Variants in MGST1 observed in about 807,000 individuals in gnomAD.
MGST1 encodes the protein microsomal glutathione S-transferase 1, also known as glutathione S-transferase 12.
In MGST1, 5 loss-of-function variants were observed where a neutral mutation model predicts 8.9. The ratio of observed to expected loss-of-function variants is 0.56; its 90% CI spans 0.29 to 1.19. The LOEUF is 1.19. MGST1 is among the 50% of genes most tolerant of loss of function. The pLI, the probability that MGST1 is intolerant of heterozygous loss-of-function variation, is 0.08. For missense variants in MGST1, 182 were observed against 187.4 expected (o/e 0.97, Z 0.17); for synonymous variants, 54 against 67.8 (o/e 0.80, Z 1.00).
At chr12:16,376,233 A>C in exon 4 of MGST1, 2 of 666,952 alleles carry the variant, frequency 3.0e-6, no homozygotes, top group Middle Eastern at 2.4e-4. Flanking sequence ...ACCAGTGAAT[A>C]ATTGAAGAAA....
In MGST1 at chr12:16,361,248, A is replaced by G. The variant is rs1219042496; in HGVS notation, c.222-2547A>G. 1.3e-5 allele frequency among the ~76,000 whole-genome samples: 2 copies of G among 152,134 alleles called. No homozygotes were observed. Among genetic ancestry groups the G allele is most frequent in the East Asian group, 3.9e-4 (2 of 5,174 alleles). ...AAGCCTGCTGTGCAGCTCCTTTTGTAGTTGTTCACAGCCTGACAATCCCCA... is the reference window on the plus strand; with the variant it reads ...AAGCCTGCTGTGCAGCTCCTTTTGTGGTTGTTCACAGCCTGACAATCCCCA... On this transcript the variant is annotated intron_variant, in intron 3 of 3. Transcript: ENST00000396210. The surrounding 1 kb of genome is among the most constrained non-coding windows in gnomAD (Gnocchi z 4.2).
chr12:16,525,360 T>C (rs574179689), intron 4 of MGST1, among the ~76,000 whole-genome samples: 1 of 148,616 alleles, frequency 6.7e-6, no homozygotes, highest in South Asian at 2.1e-4. Flanking sequence ...GTTCTCATTG[T>C]TCAATTCCCA....
At chr12:16,357,403 G>T in intron 2 of MGST1, 1 of 474,962 alleles carries the variant, frequency 2.1e-6, no homozygotes, top group East Asian at 3.6e-5. Flanking sequence ...AGGACCACAG[G>T]CATGCATGTG....
rs562361704 is a variant in MGST1, at chr12:16,571,709, T to C, written n.483-17819T>C. On this transcript the variant is annotated intron_variant and non_coding_transcript_variant, in intron 4 of 4. Transcript: ENST00000538857. The stretch of plus-strand genomic sequence containing the variant: ...TCCTTCACTGACTCAAATATGCAGA[T>C]TGAATTAAATACCCTTTCAAGATAT... 1.6e-4 allele frequency among the ~76,000 whole-genome samples: 24 copies of C among 152,138 alleles called. No individual in the cohort carries two copies. The South Asian group carries it at 4.6e-3, about 29-fold the overall frequency.
chr12:16,440,211 G>A (rs1046718699), downstream of MGST1, among the ~76,000 whole-genome samples: 1 of 151,340 alleles, frequency 6.6e-6, no homozygotes, highest in African/African-American at 2.4e-5. Flanking sequence ...TTGTATGCAT[G>A]TGTATTTTTC....
At chr12:16,426,199 C>G (rs1405160582) in intron 1 of MGST1, among the ~76,000 whole-genome samples, 1 of 152,170 alleles carries the variant, frequency 6.6e-6, no homozygotes, top group Non-Finnish European at 1.5e-5. Flanking sequence ...ATCTTCATCT[C>G]TTACTCCTCA....
Position 16,488,897 on chromosome 12 carries a change from C to T in MGST1, n.483-100631C>T, listed in dbSNP as rs944389987. 4.0e-5 allele frequency among the ~76,000 whole-genome samples: 6 copies of T among 151,888 alleles called. No homozygotes were observed. In the East Asian group the frequency reaches 1.2e-3, roughly 29 times the overall value. ...GCTGAGGCAGCAGAGTTGTTTGAGG[C>T]CAGGAGTTTGAGATCAGCCTGGGCA... On this transcript the variant is annotated intron_variant and non_coding_transcript_variant, in intron 4 of 4. Coordinates refer to the MGST1 transcript ENST00000538857.
chr12:16,384,402 CAG>C (rs1940485717), intron 1 of MGST1, among the ~76,000 whole-genome samples: 1 of 152,076 alleles, frequency 6.6e-6, no homozygotes, highest in African/African-American at 2.4e-5. Context: ...GAAGGGGAAA[CAG>C]ATGCAGAGAC....
intron 4 of MGST1, among the ~76,000 whole-genome samples, chr12:16,533,842 A>C (rs141799297): frequency 6.0e-4 from 92 of 152,324 alleles, no homozygotes; most frequent in Non-Finnish European, 1.1e-3. Context: ...TTCCCACAGC[A>C]ATTTCTTTAG....
At chr12:16,565,082 C>G (rs2137375698) in intron 4 of MGST1, among the ~76,000 whole-genome samples, 1 of 152,194 alleles carries the variant, frequency 6.6e-6, no homozygotes, top group Admixed American at 6.5e-5. Context: ...AGCCACTATG[C>G]CCGGTCTAGT....
At position 16,372,580 on chromosome 12, in the gene MGST1, G is replaced by T. The variant is rs889737871; in HGVS notation, c.222-3542G>T. 7.9e-5 allele frequency among the ~76,000 whole-genome samples: 12 copies of T among 152,022 alleles called. No homozygotes were observed. In the East Asian group the frequency reaches 2.3e-3, roughly 29 times the overall value. On this transcript the variant is annotated intron_variant, in intron 3 of 3. Transcript: ENST00000535309. ...GGAGCCCTCTTACACTGTTGGTGGG[G>T]ATGTAAATTAGTGCAGCCACTTGTG...
intron 4 of MGST1, among the ~76,000 whole-genome samples, chr12:16,498,327 A>T (rs1200403515): frequency 6.6e-6 from 1 of 152,182 alleles, no homozygotes; most frequent in Non-Finnish European, 1.5e-5. Context: ...GCCAGTGAAC[A>T]TGCATTTACT....
chr12:16,481,145 A>G (rs781016132), intron 4 of MGST1, among the ~76,000 whole-genome samples: 25 of 152,146 alleles, frequency 1.6e-4, no homozygotes, highest in Non-Finnish European at 3.4e-4. Context: ...AAACAAACAA[A>G]AAAAGCCCTC....
intron 4 of MGST1, among the ~76,000 whole-genome samples, chr12:16,564,187 A>C (rs1166653768): frequency 6.6e-6 from 1 of 152,164 alleles, no homozygotes; most frequent in East Asian, 1.9e-4. Context: ...CAAACAGACA[A>C]CTTTCTAACT....
intron 1 of MGST1, chr12:16,399,261 C>T (rs1445224482): frequency 1.2e-6 from 2 of 1,600,180 alleles, no homozygotes; most frequent in South Asian, 2.2e-5. Flanking sequence ...GAGCTCAGGG[C>T]CAAAGTTCAG....
At chr12:16,428,399 AGATACAT>A (rs1013418419) in intron 1 of MGST1, among the ~76,000 whole-genome samples, 12 of 151,768 alleles carry the variant, frequency 7.9e-5, no homozygotes, top group Non-Finnish European at 1.8e-4. Context: ...TAACATTTCT[AGATACAT>A]ATTTCTAAAG....
chr12:16,480,087 AC>A (rs1360640511), intron 4 of MGST1, among the ~76,000 whole-genome samples: 12 of 152,124 alleles, frequency 7.9e-5, no homozygotes, highest in African/African-American at 2.7e-4. Context: ...AAAAGCACAA[AC>A]CTTAAAAGAA....
chr12:16,375,911 C>T (rs1940371899), intron 3 of MGST1, among the ~76,000 whole-genome samples: 1 of 151,784 alleles, frequency 6.6e-6, no homozygotes, highest in Admixed American at 6.6e-5. Context: ...GGACTCTAGA[C>T]TAAATGAATA....
rs1941370176 is a variant in MGST1, at chr12:16,482,413, A to G, written n.482+98809A>G. On this transcript the variant is annotated intron_variant and non_coding_transcript_variant, in intron 4 of 4. Transcript: ENST00000538857. The surrounding 1 kb of genome is among the most constrained non-coding windows in gnomAD (Gnocchi z 4.2). Reference sequence around the variant, plus strand: ...TTTAGGAGGCCAAGACAGGTGGATCACGAGGACAGGAGTTCCAGATCAGCC... The same window carrying G: ...TTTAGGAGGCCAAGACAGGTGGATCGCGAGGACAGGAGTTCCAGATCAGCC... 6.6e-6 allele frequency among the ~76,000 whole-genome samples: 1 copy of G among 152,184 alleles called. No homozygotes were observed. The highest frequency in any genetic ancestry group is 6.5e-5 in the Admixed American group (1 of 15,276).
Sources: allele counts gnomAD v4.1 joint callset (sites outside exome capture counted in the v4.1 genomes callset), GRCh38; gene constraint gnomAD v4.1.1; non-coding constraint Gnocchi (gnomAD v3.1); transcripts MANE v1.5; gene names NCBI Gene and HGNC (gene_info 2026-07-23, HGNC 2026-07-21).